The following ADAMTSL4 variants were observed in gnomAD, a reference collection of about 807,000 sequenced individuals.
ADAMTSL4 encodes the protein ADAMTS-like protein 4.
ADAMTSL4 carries 97 observed loss-of-function variants against 122.8 expected under a neutral mutation model. The ratio of observed to expected loss-of-function variants is 0.79; its 90% CI spans 0.67 to 0.93. The LOEUF is 0.93. ADAMTSL4 is among the 40% of genes least tolerant of loss of function. The pLI is 0.00. For missense variants in ADAMTSL4, 1,408 were observed against 1,453.5 expected (o/e 0.97, Z 0.51); for synonymous variants, 592 against 568.0 (o/e 1.04, Z -0.60).
Position 150,559,663 on chromosome 1 carries a change from T to C in ADAMTSL4, c.2944-98T>C. 1 of 1,599,884 alleles carries C rather than the reference T, an allele frequency of 6.3e-7. No individual in the cohort carries two copies. The highest frequency in any genetic ancestry group is 8.5e-7 in the Non-Finnish European group (1 of 1,172,668). On this transcript the variant is annotated intron_variant, in intron 17 of 18. Transcript: ENST00000271643. This position sits in a 1 kb window ranked among gnomAD's most constrained non-coding sequence, Gnocchi z 4.1. ...GGGATTTCACAATGTCCTAGGAGGGTCCCCACCACCACCTTTTGGGGAGAG... is the reference window on the plus strand; with the variant it reads ...GGGATTTCACAATGTCCTAGGAGGGCCCCCACCACCACCTTTTGGGGAGAG...
At position 150,559,937 on chromosome 1, in the gene ADAMTSL4, C is replaced by T; in HGVS notation, c.3088+32C>T. On this transcript the variant is annotated intron_variant, in intron 18 of 18. Transcript: ENST00000271643. The surrounding 1 kb of genome is among the most constrained non-coding windows in gnomAD (Gnocchi z 4.1). ...AGCCCCCTCTCCCCAATCCCCAATA[C>T]AGTGGATTAGCTGAAGTATGGGAGG... is the stretch of plus-strand genomic sequence containing the variant. 6.2e-7 allele frequency: 1 copy of T among 1,613,804 alleles called. No homozygotes were observed. The highest frequency in any genetic ancestry group is 8.5e-7 in the Non-Finnish European group (1 of 1,180,008).
At chr1:150,555,965 C>G (rs984726764) in intron 8 of ADAMTSL4, 197 bp from the exon 9 acceptor site, 3 of 647,320 alleles carry the variant, frequency 4.6e-6, no homozygotes, top group Admixed American at 2.4e-5. Context: ...TGCCAAGCTG[C>G]GCTGAGCAGA....
chr1:150,560,576 G>C lies in ADAMTSL4; in HGVS notation c.*380G>C, dbSNP rs1452967516. ...TGCTAATCTGAGCTACTTAGAGTGT[G>C]GTCTCCCCACCAACTCCAGTTTTGT... is the stretch of plus-strand genomic sequence containing the variant. On this transcript the variant is annotated 3_prime_UTR_variant, in exon 19 of 19. Coordinates refer to ENST00000271643, the MANE Select transcript of ADAMTSL4 (RefSeq NM_019032.6). The C allele has an allele frequency of 3.6e-6, 1 of 281,658 alleles. No homozygotes were observed. The highest frequency in any genetic ancestry group is 7.0e-6 in the Non-Finnish European group (1 of 143,864). 17.4% of individuals were successfully genotyped at this position (281,658 alleles called of 1,614,324 possible). A position where few individuals can be genotyped will look rare whatever the true frequency, so the allele number is the denominator to read the frequency against.
intron 7 of ADAMTSL4, 149 bp from the exon 8 acceptor site, chr1:150,555,280 G>A (rs1451105786): frequency 1.0e-5 from 10 of 992,118 alleles, no homozygotes; most frequent in East Asian, 5.3e-5. Context: ...GAGCCACTGC[G>A]CCCGGCCCTG....
At chr1:150,555,825 A>G (rs1373009667) in intron 8 of ADAMTSL4, 5 of 616,766 alleles carry the variant, frequency 8.1e-6, no homozygotes, top group East Asian at 2.8e-5. Flanking sequence ...ACACACACGT[A>G]TGCAGACACA....
rs768836529 is a variant in ADAMTSL4, at chr1:150,553,276, G to A, written c.434+23G>A. ...GAGGTGAGAGGCCTGGGTGGAAGAG[G>A]TGGGCCTTGGGCAAGGTGGGGGCTT... On this transcript the variant is annotated intron_variant, in intron 5 of 18. Transcript: ENST00000271643. The A allele has an allele frequency of 2.5e-6, 4 of 1,610,932 alleles. No homozygotes were observed. The South Asian group carries it at 4.4e-5, about 18-fold the overall frequency.
Position 150,556,249 on chromosome 1 carries a change from G to A in ADAMTSL4, c.1459G>A (p.Val487Ile). The A allele has an allele frequency of 6.2e-7, 1 of 1,614,184 alleles. No homozygotes were observed. Among genetic ancestry groups the A allele is most frequent in the Non-Finnish European group, 8.5e-7 (1 of 1,180,030 alleles). ...GGGTGATGATTCTACCTGTCGCCTT[G>A]TTTCGGGGAACCTCACTGACCGAGG... ...CGGDDSTCRL[V>I]SGNLTDRGGP... Residue 487 changes from valine to isoleucine, a missense_variant, in exon 9 of 19, where the codon GTT becomes ATT. Coordinates refer to ENST00000271643, the MANE Select transcript of ADAMTSL4 (RefSeq NM_019032.6). The surrounding 1 kb of genome is among the most constrained non-coding windows in gnomAD (Gnocchi z 4.1).
At chr1:150,558,899 C>A (rs1672495830) in intron 15 of ADAMTSL4, 63 bp from the exon 16 acceptor site, 3 of 1,548,362 alleles carry the variant, frequency 1.9e-6, no homozygotes, top group Non-Finnish European at 2.6e-6. Flanking sequence ...TCCCTGCCCC[C>A]CTACTGTCCC....
Position 150,554,397 on chromosome 1 carries a change from C to G in ADAMTSL4, c.1164C>G (p.Ala388=). 6.2e-7 allele frequency: 1 copy of G among 1,613,926 alleles called. No homozygotes were observed. The highest frequency in any genetic ancestry group is 8.5e-7 in the Non-Finnish European group (1 of 1,180,030). The part of the protein sequence containing the change: ...PCPPEQPDPR[A]LQCAAFNSQE... ...CCCCTGAGCAGCCAGACCCCCGGGC[C>G]CTGCAGTGCGCAGCCTTTAACTCCC... The change falls in exon 7 of 19, where the codon GCC becomes GCG. Residue 388 remains alanine (A), a synonymous_variant. Transcript: ENST00000271643. The surrounding 1 kb of genome is among the most constrained non-coding windows in gnomAD (Gnocchi z 4.0).
At position 150,552,658 on chromosome 1, in the gene ADAMTSL4, A is replaced by AGGC; in HGVS notation, c.78+59_78+61dup. 1.3e-6 allele frequency: 2 copies of AGGC among 1,564,846 alleles called. No homozygotes were observed. Among genetic ancestry groups the AGGC allele is most frequent in the South Asian group, 2.3e-5 (2 of 86,312 alleles). ...GCCTGCCACCCTTTCATCTCCCCCTAGGCTCCCACCCCATCTCTCCAGGCC... is the reference window on the plus strand; with the variant it reads ...GCCTGCCACCCTTTCATCTCCCCCTAGGCGGCTCCCACCCCATCTCTCCAGGCC... On this transcript the variant is annotated intron_variant, in intron 4 of 18. Coordinates refer to ENST00000271643, the MANE Select transcript of ADAMTSL4 (RefSeq NM_019032.6). The surrounding 1 kb of genome is among the most constrained non-coding windows in gnomAD (Gnocchi z 4.0).
chr1:150,552,124 C>T lies in ADAMTSL4; in HGVS notation c.-84-81C>T. The stretch of plus-strand genomic sequence containing the variant: ...AGGGATGGACCAGTTTCACCCCCTC[C>T]TCCATATTCTCTGAGCTGTCCTCCC... On this transcript the variant is annotated intron_variant, in intron 2 of 18. Coordinates refer to ENST00000271643, the MANE Select transcript of ADAMTSL4 (RefSeq NM_019032.6). This position sits in a 1 kb window ranked among gnomAD's most constrained non-coding sequence, Gnocchi z 4.0. 2.9e-6 allele frequency: 2 copies of T among 696,276 alleles called. No homozygotes were observed. The highest frequency in any genetic ancestry group is 1.9e-5 in the South Asian group (1 of 53,170). 43.1% of individuals were successfully genotyped at this position (696,276 alleles called of 1,614,324 possible).
At chr1:150,550,391 G>A (rs1268175272) in intron 2 of ADAMTSL4, 2 of 444,642 alleles carry the variant, frequency 4.5e-6, no homozygotes, top group Middle Eastern at 7.1e-4. Flanking sequence ...GGCCTGGCCC[G>A]GGCCCCGGGA....
At position 150,556,468 on chromosome 1, in the gene ADAMTSL4, T is replaced by G. The variant is rs75903127; in HGVS notation, c.1576+102T>G. ...GCCAAACAGGGGGAAGTCCAGGGCC[T>G]AGCCCCTCCCCTCGTGGAAGGAGTG... On this transcript the variant is annotated intron_variant, in intron 9 of 18. Transcript: ENST00000271643. The surrounding 1 kb of genome is among the most constrained non-coding windows in gnomAD (Gnocchi z 4.1). 2.2e-4 allele frequency: 339 copies of G among 1,568,212 alleles called. 3 individuals are homozygous for G. The East Asian group carries it at 7.4e-3, about 34-fold the overall frequency.
chr1:150,557,390 T>A, intron 12 of ADAMTSL4, 55 bp downstream of exon 12: 1 of 1,602,692 alleles, frequency 6.2e-7, no homozygotes, highest in Non-Finnish European at 8.5e-7. Context: ...CAACTGACAC[T>A]CCCGCATCCT....
Position 150,557,025 on chromosome 1 carries a change from G to A in ADAMTSL4, c.1836G>A (p.Glu612=), listed in dbSNP as rs1672206186. ...CAATCCTTGAGAACCCCACCCCAGAGCCCCCTGTCCCCCAGCTTCAGCCGG... is the reference window on the plus strand; with the variant it reads ...CAATCCTTGAGAACCCCACCCCAGAACCCCCTGTCCCCCAGCTTCAGCCGG... ...PPPILENPTP[E]PPVPQLQPEI... is the part of the protein sequence containing the mutation. Residue 612 remains glutamate (E), a synonymous_variant, in exon 11 of 19, where the codon GAG becomes GAA. Coordinates refer to ENST00000271643, the MANE Select transcript of ADAMTSL4 (RefSeq NM_019032.6). The A allele has an allele frequency of 1.9e-6, 3 of 1,613,836 alleles. No individual in the cohort carries two copies. Among genetic ancestry groups the A allele is most frequent in the Admixed American group, 1.7e-5 (1 of 60,006 alleles).
At position 150,556,465 on chromosome 1, in the gene ADAMTSL4, G is replaced by A. The variant is rs1391637025; in HGVS notation, c.1576+99G>A. 2 of 1,573,180 alleles carry A rather than the reference G, an allele frequency of 1.3e-6. No individual in the cohort carries two copies. The highest frequency in any genetic ancestry group is 1.1e-5 in the South Asian group (1 of 89,032). ...CAAGCCAAACAGGGGGAAGTCCAGGGCCTAGCCCCTCCCCTCGTGGAAGGA... is the reference window on the plus strand; with the variant it reads ...CAAGCCAAACAGGGGGAAGTCCAGGACCTAGCCCCTCCCCTCGTGGAAGGA... On this transcript the variant is annotated intron_variant, in intron 9 of 18. Coordinates refer to ENST00000271643, the MANE Select transcript of ADAMTSL4 (RefSeq NM_019032.6). The surrounding 1 kb of genome is among the most constrained non-coding windows in gnomAD (Gnocchi z 4.1).
chr1:150,559,657 G>A lies in ADAMTSL4; in HGVS notation c.2944-104G>A. The A allele has an allele frequency of 6.3e-7, 1 of 1,596,504 alleles. No individual in the cohort carries two copies. The highest frequency in any genetic ancestry group is 8.5e-7 in the Non-Finnish European group (1 of 1,170,686). ...CCATTTGGGATTTCACAATGTCCTAGGAGGGTCCCCACCACCACCTTTTGG... is the reference window on the plus strand; with the variant it reads ...CCATTTGGGATTTCACAATGTCCTAAGAGGGTCCCCACCACCACCTTTTGG... On this transcript the variant is annotated intron_variant, in intron 17 of 18. Transcript: ENST00000271643. The surrounding 1 kb of genome is among the most constrained non-coding windows in gnomAD (Gnocchi z 4.1).
chr1:150,557,282 C>T lies in ADAMTSL4; in HGVS notation c.1994C>T (p.Ala665Val), dbSNP rs773323206. 1.6e-5 allele frequency: 26 copies of T among 1,612,382 alleles called. No individual in the cohort carries two copies. The highest frequency in any genetic ancestry group is 2.2e-5 in the Non-Finnish European group (26 of 1,179,648). The change falls in exon 12 of 19, where the codon GCT becomes GTT. Residue 665 changes from alanine to valine, a missense_variant. Ala to Val is a moderately conservative substitution (Grantham distance 64). Coordinates refer to ENST00000271643, the MANE Select transcript of ADAMTSL4 (RefSeq NM_019032.6). ...PHPRTPLGSP[A>V]AYWKRVGHSA... ...CCCAGGACACCCCTGGGGTCTCCAG[C>T]TGCGTACTGGAAACGAGTGGGACAC...
intron 8 of ADAMTSL4, 144 bp downstream of exon 8, chr1:150,555,709 A>G: frequency 2.6e-6 from 3 of 1,174,352 alleles, no homozygotes; most frequent in Non-Finnish European, 3.6e-6. Flanking sequence ...GCACAGACAC[A>G]TGCACACACG....
Sources: allele counts gnomAD v4.1 joint callset, GRCh38; gene constraint gnomAD v4.1.1; non-coding constraint Gnocchi (gnomAD v3.1); transcripts MANE v1.5; gene names NCBI Gene and HGNC (gene_info 2026-07-23, HGNC 2026-07-21).